WRN: variants seen among roughly 807,000 people sequenced by gnomAD.
WRN encodes WRN RecQ like helicase, also known as bifunctional 3'-5' exonuclease/ATP-dependent helicase WRN.
In WRN, 149 loss-of-function variants were observed where a neutral mutation model predicts 180.7. The observed-to-expected ratio is 0.82, with a 90% CI of 0.72 to 0.94. WRN has a LOEUF of 0.94. Ranked by LOEUF, WRN falls within the 40% of genes least tolerant of loss-of-function variation. The probability of loss-of-function intolerance (pLI) is 0.00; values close to 1 mark genes in which losing one functional copy is unlikely to be tolerated. For missense variants in WRN, 1,661 were observed against 1,700.1 expected, an observed-to-expected ratio of 0.98 and a Z score of 0.40; for synonymous variants, 548 against 568.9, an observed-to-expected ratio of 0.96 and a Z score of 0.52.
chr8:31,155,783 T>C (rs900355910), intron 32 of WRN, among the ~76,000 whole-genome samples: 3 of 152,190 alleles, frequency 2.0e-5, no homozygotes, highest in African/African-American at 7.2e-5. Context: ...TCACATCCTG[T>C]TGACATTAAG....
intron 30 of WRN, among the ~76,000 whole-genome samples, chr8:31,149,284 T>C (rs1389078541): frequency 2.0e-5 from 3 of 151,128 alleles, no homozygotes; most frequent in Admixed American, 6.6e-5. Flanking sequence ...GTAGTCCCAG[T>C]TACTCTGGCG....
intron 8 of WRN, among the ~76,000 whole-genome samples, chr8:31,077,754 A>G (rs1174137120): frequency 1.3e-5 from 2 of 152,252 alleles, no homozygotes; most frequent in Non-Finnish European, 2.9e-5. Flanking sequence ...CAATTAAAAT[A>G]TAGAGACAGA....
Position 31,076,179 on chromosome 8 carries a change from A to G in WRN, c.731A>G (p.Glu244Gly), listed in dbSNP as rs2130094422. The G allele has an allele frequency of 1.2e-6, 2 of 1,613,598 alleles. No homozygotes were observed. The highest frequency in any genetic ancestry group is 1.7e-6 in the Non-Finnish European group (2 of 1,179,608). Residue 244 changes from glutamate (E) to glycine (G), a missense_variant, in exon 8 of 35, where the codon GAA becomes GGA. Glu to Gly is a moderately conservative substitution (Grantham distance 98). Transcript: ENST00000298139. ...VQRFAINKEE[E>G]ILLSDMNKQL... ...TGATTTTTTTTCCCCCTAGAGGAAG[A>G]AATCCTACTTAGCGACATGAACAAA...
At chr8:31,103,393 A>G (rs930275864) in intron 18 of WRN, among the ~76,000 whole-genome samples, 1 of 152,246 alleles carries the variant, frequency 6.6e-6, no homozygotes, top group Non-Finnish European at 1.5e-5. Context: ...CAGTAGGTTT[A>G]TTGACAGCAG....
chr8:31,157,529 AG>A lies in WRN; in HGVS notation c.3982+1del. The A allele has an allele frequency of 6.2e-7, 1 of 1,614,054 alleles. No homozygotes were observed. The highest frequency in any genetic ancestry group is 8.5e-7 in the Non-Finnish European group (1 of 1,179,954). On this transcript the variant is annotated frameshift_variant and splice_region_variant, in exon 33 of 35. Coordinates refer to ENST00000298139, the MANE Select transcript of WRN (RefSeq NM_000553.6). LOFTEE classifies it high-confidence loss of function. ...DVIRNPPVNS[D>X]MSKISLIRML... ...TTATCCGAAACCCTCCCGTCAACTC[AG>A]GTGAGAGGCATGGCCTAGCTCTGCA...
At position 31,173,227 on chromosome 8, in the gene WRN, T is replaced by C. The variant is rs576422857; in HGVS notation, c.*125T>C. 167 of 974,780 alleles carry C rather than the reference T, an allele frequency of 1.7e-4. No individual in the cohort carries two copies. The South Asian group carries it at 2.4e-3, about 14-fold the overall frequency. 60.4% of individuals were successfully genotyped at this position (974,780 alleles called of 1,614,324 possible). A position where few individuals can be genotyped will look rare whatever the true frequency, so the allele number is the denominator to read the frequency against. On this transcript the variant is annotated 3_prime_UTR_variant, in exon 35 of 35. Coordinates refer to ENST00000298139, the MANE Select transcript of WRN (RefSeq NM_000553.6). Reference sequence around the variant, plus strand: ...CATTCTAATTACAAAGTTCACTGTTTATTGAAGAACTGGCATCTTAAATCA... The same window carrying C: ...CATTCTAATTACAAAGTTCACTGTTCATTGAAGAACTGGCATCTTAAATCA...
Position 31,067,103 on chromosome 8 carries a change from A to T in WRN, c.575A>T (p.Asp192Val), listed in dbSNP as rs760829035. The T allele has an allele frequency of 6.2e-7, 1 of 1,614,032 alleles. No homozygotes were observed. The highest frequency in any genetic ancestry group is 2.2e-5 in the East Asian group (1 of 44,840). The change falls in exon 6 of 35, where the codon GAC becomes GTC. Residue 192 changes from aspartate to valine, a missense_variant. By Grantham distance (152) the Asp-to-Val change is radical. Transcript: ENST00000298139. ...CTCTTAGGTAAACAGCTCCTGAAAG[A>T]CAAGTCTATCCGCTGTAGCAATTGG... is the stretch of plus-strand genomic sequence containing the variant. ...KHLLGKQLLK[D>V]KSIRCSNWSK...
At chr8:31,145,367 T>C (rs1188471514) in intron 28 of WRN, among the ~76,000 whole-genome samples, 8 of 152,216 alleles carry the variant, frequency 5.3e-5, no homozygotes, top group Admixed American at 4.6e-4. Flanking sequence ...TTAAGAATTA[T>C]GCTATATCTA....
intron 1 of WRN, among the ~76,000 whole-genome samples, chr8:31,056,733 A>G (rs1160945550): frequency 1.3e-5 from 2 of 152,022 alleles, no homozygotes; most frequent in Non-Finnish European, 2.9e-5. Context: ...GGACTCCTGT[A>G]TTATTAATTA....
chr8:31,168,879 A>G (rs1354239234), intron 34 of WRN, among the ~76,000 whole-genome samples: 4 of 152,164 alleles, frequency 2.6e-5, no homozygotes, highest in Non-Finnish European at 5.9e-5. Context: ...TGTGTTTGTT[A>G]TTAAGATGGA....
intron 34 of WRN, among the ~76,000 whole-genome samples, 167 bp downstream of exon 34, chr8:31,167,397 T>TA (rs949698648): frequency 1.3e-5 from 2 of 151,800 alleles, no homozygotes; most frequent in East Asian, 1.9e-4. Flanking sequence ...GAAAAGTGAT[T>TA]AAAAAAAAGA....
rs145698720 is a variant in WRN at position 31,116,491 on chromosome 8, A to G, written c.2411A>G (p.Lys804Arg). The G allele has an allele frequency of 4.3e-6, 7 of 1,614,044 alleles. No homozygotes were observed. The African/African-American group carries it at 9.3e-5, about 22-fold the overall frequency. ...YHAGMSFSTR[K>R]DIHHRFVRDE... ...GCGGGCATGAGTTTTAGCACAAGGA[A>G]AGACATTCATCATAGGTTTGTAAGA... Residue 804 changes from lysine (K) to arginine (R), a missense_variant, in exon 20 of 35, where the codon AAA becomes AGA. Around this residue, in one of 3 missense-constraint regions of WRN, gnomAD observed 1,141 missense variants for 1,149.4 expected, o/e 0.99. Transcript: ENST00000298139.
intron 18 of WRN, among the ~76,000 whole-genome samples, chr8:31,103,396 GA>G (rs1437193419): frequency 6.6e-6 from 1 of 152,184 alleles, no homozygotes; most frequent in Non-Finnish European, 1.5e-5. Context: ...TAGGTTTATT[GA>G]CAGCAGCATC....
chr8:31,139,428 G>A (rs1460565038), intron 24 of WRN, among the ~76,000 whole-genome samples: 1 of 152,104 alleles, frequency 6.6e-6, no homozygotes, highest in Non-Finnish European at 1.5e-5. Flanking sequence ...TTATTACTAG[G>A]TATTAAATGG....
At chr8:31,170,780 T>C (rs995992565) in intron 34 of WRN, among the ~76,000 whole-genome samples, 1 of 152,186 alleles carries the variant, frequency 6.6e-6, no homozygotes, top group Non-Finnish European at 1.5e-5. Context: ...GTAACTTAGA[T>C]ATCATACTGA....
At chr8:31,172,338 C>T (rs895935621) in intron 34 of WRN, among the ~76,000 whole-genome samples, 2 of 151,936 alleles carry the variant, frequency 1.3e-5, no homozygotes, top group African/African-American at 4.8e-5. Context: ...GGATGTTTAA[C>T]CTGAGGGTTA....
At chr8:31,077,431 A>G (rs1166494467) in intron 8 of WRN, among the ~76,000 whole-genome samples, 8 of 151,682 alleles carry the variant, frequency 5.3e-5, no homozygotes, top group Non-Finnish European at 1.2e-4. Flanking sequence ...TTTAGTAGAG[A>G]CGGGGTTTCA....
intron 24 of WRN, among the ~76,000 whole-genome samples, chr8:31,139,999 CTTTGTTTT>C (rs1802548798): frequency 5.4e-5 from 4 of 74,700 alleles, no homozygotes; most frequent in African/African-American, 2.1e-4. Context: ...TTGTATACTT[CTTTGTTTT>C]TTTTTTTTTT....
At chr8:31,078,352 A>C (rs1363476659) in intron 8 of WRN, among the ~76,000 whole-genome samples, 1 of 152,172 alleles carries the variant, frequency 6.6e-6, no homozygotes, top group Non-Finnish European at 1.5e-5. Flanking sequence ...GAGGGAACAA[A>C]AAAGACCTCT....
Sources: allele counts gnomAD v4.1 joint callset (sites outside exome capture counted in the v4.1 genomes callset), GRCh38; gene constraint gnomAD v4.1.1; regional missense constraint gnomAD v4.1.1; transcripts MANE v1.5; gene names NCBI Gene and HGNC (gene_info 2026-07-23, HGNC 2026-07-21).